Variants in TMPRSS11F observed in about 807,000 individuals in gnomAD.
TMPRSS11F encodes the protein transmembrane protease serine 11F.
A neutral mutation model predicts 60.2 loss-of-function variants in TMPRSS11F; 47 were observed. That is an observed-to-expected ratio of 0.78 (90% CI 0.62 to 1.00). TMPRSS11F has a LOEUF of 1.00. Ranked by LOEUF, TMPRSS11F falls within the 50% of genes least tolerant of loss-of-function variation. The probability of loss-of-function intolerance (pLI) is 0.00; values close to 1 mark genes in which losing one functional copy is unlikely to be tolerated. For synonymous variants in TMPRSS11F, 166 were observed against 167.3 expected, an observed-to-expected ratio of 0.99 and a Z score of 0.06; for missense variants, 519 against 522.9, an observed-to-expected ratio of 0.99 and a Z score of 0.07.
At position 68,064,723 on chromosome 4, in the gene TMPRSS11F, C is replaced by G. The variant is rs1300948702; in HGVS notation, c.977G>C (p.Ser326Thr). The change falls in exon 8 of 10, where the codon AGT (serine) becomes ACT (threonine). Residue 326 changes from serine (S) to threonine (T), a missense_variant. Coordinates refer to ENST00000356291, the MANE Select transcript of TMPRSS11F (RefSeq NM_207407.2). ...GGATCCAAATCCTGTGACGAACACA[C>G]TTGTTTTAGGTGGCAACTTTATAGA... ...DSSIKLPPKTSVFVTGFGSIV... is the reference protein window; with the variant it reads ...DSSIKLPPKTTVFVTGFGSIV... 1.2e-5 allele frequency: 19 copies of G among 1,614,138 alleles called. No individual in the cohort carries two copies. Among genetic ancestry groups the G allele is most frequent in the East Asian group, 2.2e-5 (1 of 44,874 alleles).
intron 2 of TMPRSS11F, among the ~76,000 whole-genome samples, chr4:68,098,676 C>T (rs571655376): frequency 3.3e-5 from 5 of 152,026 alleles, no homozygotes; most frequent in Non-Finnish European, 5.9e-5. Context: ...CTTTTAGATA[C>T]GTCTATCAAT....
chr4:68,054,159 G>T, intron 9 of TMPRSS11F, 92 bp from the exon 10 acceptor site: 1 of 1,160,594 alleles, frequency 8.6e-7, no homozygotes. Context: ...AAAGGAAATT[G>T]GTACACAGAC....
rs1014816729 is a variant in TMPRSS11F, at chr4:68,059,247, T to G, written c.1158+79A>C. 2.7e-6 allele frequency: 4 copies of G among 1,479,094 alleles called. No homozygotes were observed. In the African/African-American group the frequency reaches 4.2e-5, roughly 15 times the overall value. The allele number at this position is 1,479,094 out of a possible 1,614,324, so 91.6% of individuals were successfully genotyped here. A position where few individuals can be genotyped will look rare whatever the true frequency, so the allele number is the denominator to read the frequency against. On this transcript the variant is annotated intron_variant, in intron 9 of 9. Transcript: ENST00000356291. ...TAAGAGATGCCATTTTTTTTTCTCC[T>G]AGGTAAAATATATGCCAAACTCAGA...
At chr4:68,126,271 T>C (rs1724710857) in intron 1 of TMPRSS11F, among the ~76,000 whole-genome samples, 1 of 152,164 alleles carries the variant, frequency 6.6e-6, no homozygotes, top group Non-Finnish European at 1.5e-5. Context: ...GATATATACA[T>C]ATGTGTATAA....
At chr4:68,068,574 G>A (rs1560395014) in intron 7 of TMPRSS11F, 44 bp downstream of exon 7, 6 of 1,527,058 alleles carry the variant, frequency 3.9e-6, no homozygotes, top group Admixed American at 1.7e-5. Flanking sequence ...AGTGGCAGAT[G>A]AGGACTGTGA....
rs774685501 is a variant in TMPRSS11F at position 68,117,562 on chromosome 4, C to A, written c.11+12248G>T. ...ACAAATGGACAACAGGTTTATGAGA[C>A]GGTGAACAACATTCCTAATTATCAG... On this transcript the variant is annotated intron_variant, in intron 1 of 9. Coordinates refer to ENST00000356291, the MANE Select transcript of TMPRSS11F (RefSeq NM_207407.2). Among the ~76,000 whole-genome samples the A allele has an allele frequency of 2.7e-5, 4 of 149,828 alleles. 1 individual carries two copies. The highest frequency in any genetic ancestry group is 6.9e-3 in the Middle Eastern group (2 of 290).
rs147892252 is a variant in TMPRSS11F, at chr4:68,127,236, G to A, written c.11+2574C>T. On this transcript the variant is annotated intron_variant, in intron 1 of 9. Transcript: ENST00000356291. ...CTATGTTCTCTCAACCCAGAATACC[G>A]TCTTTCTCCTACTACTAATTCTGCT... Among the ~76,000 whole-genome samples the A allele has an allele frequency of 4.6e-5, 7 of 152,046 alleles. No homozygotes were observed. The South Asian group carries it at 6.2e-4, about 14-fold the overall frequency.
chr4:68,125,352 A>T (rs1724696094), intron 1 of TMPRSS11F, among the ~76,000 whole-genome samples: 1 of 152,068 alleles, frequency 6.6e-6, no homozygotes, highest in Non-Finnish European at 1.5e-5. Flanking sequence ...AATTTTCTAA[A>T]TTTTGCAAAA....
intron 9 of TMPRSS11F, among the ~76,000 whole-genome samples, chr4:68,057,712 C>A (rs949173631): frequency 4.6e-5 from 7 of 152,026 alleles, no homozygotes; most frequent in Non-Finnish European, 8.8e-5. Context: ...GACTTAGATA[C>A]CTCTCAAAAG....
chr4:68,127,210 G>A (rs1445698282), intron 1 of TMPRSS11F, among the ~76,000 whole-genome samples: 1 of 152,020 alleles, frequency 6.6e-6, no homozygotes, highest in African/African-American at 2.4e-5. Context: ...TCTTGCAAGG[G>A]CTATGTTCTC....
In TMPRSS11F at chr4:68,059,386, G is replaced by A. The variant is rs34055246; in HGVS notation, c.1098C>T (p.Gly366=). 1 of 1,613,506 alleles carries A rather than the reference G, an allele frequency of 6.2e-7. No individual in the cohort carries two copies. The highest frequency in any genetic ancestry group is 1.3e-5 in the African/African-American group (1 of 74,864). ...CACATAACATTCCTGGAGTTATCAGGCCATCATACACATCCTTTCTGTTAC... is the reference window on the plus strand; with the variant it reads ...CACATAACATTCCTGGAGTTATCAGACCATCATACACATCCTTTCTGTTAC... ...DVCNRKDVYD[G]LITPGMLCAG... The change falls in exon 9 of 10, where the codon GGC becomes GGT. Residue 366 remains glycine (G), a synonymous_variant. Transcript: ENST00000356291.
At chr4:68,121,210 A>C (rs1463703595) in intron 1 of TMPRSS11F, among the ~76,000 whole-genome samples, 1 of 152,164 alleles carries the variant, frequency 6.6e-6, no homozygotes, top group Non-Finnish European at 1.5e-5. Flanking sequence ...ACTCAAGTTC[A>C]ATTGTTTCAA....
chr4:68,068,676 A>G lies in TMPRSS11F; in HGVS notation c.697T>C (p.Cys233Arg), dbSNP rs1206481975. 5 of 1,614,026 alleles carry G rather than the reference A, an allele frequency of 3.1e-6. No individual in the cohort carries two copies. The African/African-American group carries it at 6.7e-5, about 22-fold the overall frequency. Residue 233 changes from cysteine to arginine, a missense_variant, in exon 7 of 10, where the codon TGT (cysteine) becomes CGT (arginine). Coordinates refer to ENST00000356291, the MANE Select transcript of TMPRSS11F (RefSeq NM_207407.2). ...GTGTTACTGATGAGGCTGGCTCCAC[A>G]CTGATGGCCTGACCCTATGAGCTGG... ...SLQLIGSGHQ[C>R]GASLISNTWL...
At chr4:68,075,451 G>T (rs567937437) in intron 3 of TMPRSS11F, among the ~76,000 whole-genome samples, 6 of 151,980 alleles carry the variant, frequency 3.9e-5, no homozygotes, top group Non-Finnish European at 7.4e-5. Flanking sequence ...CCCCTTCATT[G>T]GCCCCTACTT....
rs979164231 is a variant in TMPRSS11F, at chr4:68,059,548, A to G, written c.1016-80T>C. The G allele has an allele frequency of 3.6e-6, 5 of 1,388,292 alleles. No homozygotes were observed. The African/African-American group carries it at 5.7e-5, about 16-fold the overall frequency. 86.0% of individuals were successfully genotyped at this position (1,388,292 alleles called of 1,614,324 possible). Reference sequence around the variant, plus strand: ...TATCTAAGACATAGAAGACACATAAATTGTAGCAAAAGCCAAAGATTATTT... The same window carrying G: ...TATCTAAGACATAGAAGACACATAAGTTGTAGCAAAAGCCAAAGATTATTT... On this transcript the variant is annotated intron_variant, in intron 8 of 9. Transcript: ENST00000356291.
intron 6 of TMPRSS11F, 97 bp from the exon 7 acceptor site, chr4:68,068,916 C>A: frequency 8.2e-7 from 1 of 1,215,174 alleles, no homozygotes; most frequent in Non-Finnish European, 1.2e-6. Flanking sequence ...GTCCCTGCTA[C>A]CATGTGAACC....
At chr4:68,077,963 G>T (rs1723619352) in intron 3 of TMPRSS11F, among the ~76,000 whole-genome samples, 1 of 152,124 alleles carries the variant, frequency 6.6e-6, no homozygotes, top group Admixed American at 6.5e-5. Context: ...TTCCGTGGCA[G>T]CCAGGATGAG....
intron 1 of TMPRSS11F, among the ~76,000 whole-genome samples, chr4:68,116,444 CA>C (rs1228211839): frequency 6.6e-6 from 1 of 152,026 alleles, no homozygotes; most frequent in African/African-American, 2.4e-5. Flanking sequence ...AGGTTCAATG[CA>C]ATCCTGTCAA....
chr4:68,082,251 G>C (rs1027703361), intron 3 of TMPRSS11F, among the ~76,000 whole-genome samples: 1 of 152,152 alleles, frequency 6.6e-6, no homozygotes, highest in East Asian at 1.9e-4. Flanking sequence ...ATACCTACAA[G>C]AGATCCCACA....
Sources: gnomAD v4.1 joint callset for allele counts (sites outside exome capture counted in the v4.1 genomes callset) on GRCh38, gnomAD v4.1.1 for gene constraint, MANE v1.5 for transcripts, NCBI Gene and HGNC (gene_info 2026-07-23, HGNC 2026-07-21) for gene names.